Variants in DNAH11 observed in about 807,000 individuals in gnomAD.
DNAH11 encodes dynein axonemal heavy chain 11, also known as axonemal beta dynein heavy chain 11.
Under a neutral mutation model 526.0 loss-of-function variants are expected in DNAH11, and 442 were observed. The observed-to-expected ratio is 0.84, with a 90% CI of 0.78 to 0.91. DNAH11 has a LOEUF of 0.91. Among genes scored for constraint, DNAH11 ranks in the 40% least tolerant of loss-of-function variants. DNAH11 has a pLI of 0.00. For synonymous variants in DNAH11, 2,461 were observed against 1,935.9 expected (o/e 1.27, Z -7.12); for missense variants, 6,989 against 5,448.7 (o/e 1.28, Z -8.90).
At chr7:21,821,697 T>C (rs1403171354) in intron 65 of DNAH11, among the ~76,000 whole-genome samples, 2 of 152,170 alleles carry the variant, frequency 1.3e-5, no homozygotes, top group African/African-American at 4.8e-5. Context: ...AACACTTTTC[T>C]TTGTGTTGAA....
chr7:21,804,729 C>T lies in DNAH11; in HGVS notation c.10166-3154C>T, dbSNP rs565186953. Among the ~76,000 whole-genome samples the T allele has an allele frequency of 2.6e-4, 40 of 152,286 alleles. No individual in the cohort carries two copies. In the South Asian group the frequency reaches 2.7e-3, roughly 10 times the overall value. Reference sequence around the variant, plus strand: ...ACCATGCTGGTCCAGGCTGTGGCATCTCTCCCCTAGGGTACCTCTGCAGGC... The same window carrying T: ...ACCATGCTGGTCCAGGCTGTGGCATTTCTCCCCTAGGGTACCTCTGCAGGC... On this transcript the variant is annotated intron_variant, in intron 62 of 81. Coordinates refer to ENST00000409508, the MANE Select transcript of DNAH11 (RefSeq NM_001277115.2).
At chr7:21,546,392 G>A (rs1293040425) in intron 2 of DNAH11, among the ~76,000 whole-genome samples, 2 of 152,186 alleles carry the variant, frequency 1.3e-5, no homozygotes, top group East Asian at 1.9e-4. Context: ...TTGGTATGCA[G>A]CAGGTGCTCA....
chr7:21,821,761 T>G (rs911650453), intron 65 of DNAH11, among the ~76,000 whole-genome samples: 3 of 152,066 alleles, frequency 2.0e-5, no homozygotes, highest in Non-Finnish European at 2.9e-5. Flanking sequence ...AAATTATTGG[T>G]AACTATAACT....
intron 48 of DNAH11, among the ~76,000 whole-genome samples, chr7:21,741,696 TAACAA>T (rs1785905619): frequency 6.6e-6 from 1 of 152,190 alleles, no homozygotes; most frequent in Non-Finnish European, 1.5e-5. Context: ...GTCAGAGGCT[TAACAA>T]AGTAAGGAGA....
intron 6 of DNAH11, among the ~76,000 whole-genome samples, 182 bp from the exon 7 acceptor site, chr7:21,569,887 A>T (rs781774886): frequency 6.6e-6 from 1 of 152,226 alleles, no homozygotes; most frequent in Non-Finnish European, 1.5e-5. Context: ...ATTCTAACTT[A>T]TACAAGTATG....
intron 62 of DNAH11, among the ~76,000 whole-genome samples, chr7:21,803,571 A>G (rs1789096722): frequency 6.6e-6 from 1 of 151,280 alleles, no homozygotes; most frequent in Non-Finnish European, 1.5e-5. Context: ...AACTAGATAA[A>G]CTGCTAACTC....
At chr7:21,900,588 T>C (rs1218487494) in intron 81 of DNAH11, among the ~76,000 whole-genome samples, 3 of 152,224 alleles carry the variant, frequency 2.0e-5, no homozygotes, top group Admixed American at 2.0e-4. Context: ...ATGCATTTAT[T>C]CCACAGGACA....
chr7:21,847,132 A>C (rs1272608451), intron 66 of DNAH11, among the ~76,000 whole-genome samples: 1 of 152,162 alleles, frequency 6.6e-6, no homozygotes, highest in Non-Finnish European at 1.5e-5. Context: ...CCTTTCAAAT[A>C]ATCAGCTTTG....
At chr7:21,791,576 C>T (rs150283035) in intron 61 of DNAH11, among the ~76,000 whole-genome samples, 198 of 152,350 alleles carry the variant, frequency 1.3e-3, no homozygotes, top group Non-Finnish European at 2.3e-3. Context: ...GTATGTGGTT[C>T]TCAGCCTTTC....
intron 73 of DNAH11, 112 bp downstream of exon 73, chr7:21,869,103 C>A: frequency 6.8e-7 from 1 of 1,467,712 alleles, no homozygotes; most frequent in Non-Finnish European, 9.2e-7. Context: ...TGGCGATTTG[C>A]AGAGTGCAAG....
At chr7:21,752,699 T>G (rs1562526606) in intron 54 of DNAH11, among the ~76,000 whole-genome samples, 2 of 152,006 alleles carry the variant, frequency 1.3e-5, no homozygotes, top group Admixed American at 6.5e-5. Context: ...TTTTTATTTT[T>G]TATTTTTATT....
intron 65 of DNAH11, among the ~76,000 whole-genome samples, chr7:21,825,326 C>G (rs1790235275): frequency 6.6e-6 from 1 of 152,226 alleles, no homozygotes; most frequent in African/African-American, 2.4e-5. Context: ...CAGGTACACA[C>G]ATTCATGCAT....
rs982633361 is a variant in DNAH11, at chr7:21,560,964, G to A, written c.883-107G>A. The A allele has an allele frequency of 3.4e-5, 26 of 770,980 alleles. No individual in the cohort carries two copies. In the Admixed American group the frequency reaches 6.9e-4, roughly 20 times the overall value. 47.8% of individuals were successfully genotyped at this position (770,980 alleles called of 1,614,324 possible). ...GATATAACTTTGAGTGTTAAATACTGTATCACTTGTGAGTGAAATGGAATT... is the reference window on the plus strand; with the variant it reads ...GATATAACTTTGAGTGTTAAATACTATATCACTTGTGAGTGAAATGGAATT... On this transcript the variant is annotated intron_variant, in intron 4 of 81. Transcript: ENST00000409508.
At position 21,708,266 on chromosome 7, in the gene DNAH11, A is replaced by G. The variant is rs80318382; in HGVS notation, c.6683+431A>G. On this transcript the variant is annotated intron_variant, in intron 40 of 81. Transcript: ENST00000409508. ...CAGATCCCTTTGTGACAATCTGTTA[A>G]GATTTCCTGTTACAGTAAATGCGCT... Among the ~76,000 whole-genome samples, 1,304 of 152,300 alleles carry G rather than the reference A, an allele frequency of 8.6e-3. 114 individuals are homozygous for G. The East Asian group carries it at 0.2, about 24-fold the overall frequency.
At chr7:21,898,355 C>T (rs148899227) in intron 79 of DNAH11, among the ~76,000 whole-genome samples, 4 of 152,138 alleles carry the variant, frequency 2.6e-5, no homozygotes, top group Non-Finnish European at 4.4e-5. Context: ...TAAGTTTGAC[C>T]GTGAGCATTC....
chr7:21,722,276 C>T (rs1167051576), intron 44 of DNAH11, among the ~76,000 whole-genome samples: 1 of 152,152 alleles, frequency 6.6e-6, no homozygotes, highest in South Asian at 2.1e-4. Context: ...GGATTCCCAC[C>T]CAAGTGTGTC....
intron 8 of DNAH11, among the ~76,000 whole-genome samples, chr7:21,580,698 T>A (rs1025254610): frequency 2.0e-4 from 31 of 152,266 alleles, no homozygotes; most frequent in African/African-American, 7.2e-4. Context: ...CAGGCCTCTT[T>A]TATATGGGCA....
At chr7:21,557,637 A>G (rs1244931191) in intron 2 of DNAH11, among the ~76,000 whole-genome samples, 1 of 152,158 alleles carries the variant, frequency 6.6e-6, no homozygotes, top group African/African-American at 2.4e-5. Flanking sequence ...TAGGATTTCA[A>G]TATATGAATT....
chr7:21,621,631 A>G (rs1786061468), intron 25 of DNAH11, among the ~76,000 whole-genome samples: 1 of 151,970 alleles, frequency 6.6e-6, no homozygotes, highest in African/African-American at 2.4e-5. Flanking sequence ...ACCAGGATCA[A>G]GTGGGCTTCA....
Sources: gnomAD v4.1 joint callset for allele counts (sites outside exome capture counted in the v4.1 genomes callset) on GRCh38, gnomAD v4.1.1 for gene constraint, MANE v1.5 for transcripts, NCBI Gene and HGNC (gene_info 2026-07-23, HGNC 2026-07-21) for gene names.